TRIO: variants seen among roughly 807,000 people sequenced by gnomAD.
The protein encoded by TRIO is trio Rho guanine nucleotide exchange factor.
TRIO carries 58 observed loss-of-function variants against 351.9 expected under a neutral mutation model. That is an observed-to-expected ratio of 0.16 (90% CI 0.13 to 0.21). The LOEUF (loss-of-function observed/expected upper bound fraction) is 0.21. TRIO is among the 10% of genes least tolerant of loss of function. The pLI is 1.00. For missense variants in TRIO, 3,201 were observed against 4,027.8 expected (o/e 0.79, Z 5.56); for synonymous variants, 1,758 against 1,595.7 (o/e 1.10, Z -2.42).
intron 1 of TRIO, among the ~76,000 whole-genome samples, chr5:14,254,795 A>G (rs1401404435): frequency 2.0e-5 from 3 of 152,212 alleles, no homozygotes; most frequent in African/African-American, 7.2e-5. Context: ...GAGAAACAGC[A>G]GTCTTCTTAA....
At chr5:14,421,907 C>A (rs542256992) in intron 34 of TRIO, among the ~76,000 whole-genome samples, 2 of 152,286 alleles carry the variant, frequency 1.3e-5, no homozygotes, top group South Asian at 4.1e-4. Flanking sequence ...CCTCTGTCCC[C>A]TGGGAAGCAG....
chr5:14,407,255 A>T (rs1748809839), intron 33 of TRIO, among the ~76,000 whole-genome samples: 1 of 152,160 alleles, frequency 6.6e-6, no homozygotes, highest in Admixed American at 6.5e-5. Context: ...GAGCAAGCAG[A>T]CACGAGTTTC....
At chr5:14,199,373 T>G (rs978828863) in intron 1 of TRIO, among the ~76,000 whole-genome samples, 3 of 152,190 alleles carry the variant, frequency 2.0e-5, no homozygotes, top group African/African-American at 7.2e-5. Flanking sequence ...TGCTAAATAA[T>G]TTTTTGAATG....
At chr5:14,485,717 G>A (rs1755867366) in intron 47 of TRIO, among the ~76,000 whole-genome samples, 1 of 152,180 alleles carries the variant, frequency 6.6e-6, no homozygotes, top group South Asian at 2.1e-4. Flanking sequence ...CAAGCATGGT[G>A]GCTCAAGCCT....
At chr5:14,502,774 C>T in intron 54 of TRIO, 117 bp downstream of exon 54, 4 of 993,582 alleles carry the variant, frequency 4.0e-6, no homozygotes, top group Non-Finnish European at 6.1e-6. Context: ...AGCTGTGTGT[C>T]TTGCATTTGA....
Position 14,497,347 on chromosome 5 carries a change from T to G in TRIO, c.8019+330T>G, listed in dbSNP as rs1756970383. On this transcript the variant is annotated intron_variant, in intron 50 of 56. Transcript: ENST00000344204. This position sits in a 1 kb window ranked among gnomAD's most constrained non-coding sequence, Gnocchi z 4.4. Reference sequence around the variant, plus strand: ...GGTGCAGAGAAGCTATGGCTCAGGCTTCCTTCAGTGTTCCTGCCTTAAAGC... The same window carrying G: ...GGTGCAGAGAAGCTATGGCTCAGGCGTCCTTCAGTGTTCCTGCCTTAAAGC... 6.6e-6 allele frequency among the ~76,000 whole-genome samples: 1 copy of G among 152,222 alleles called. No individual in the cohort carries two copies. The highest frequency in any genetic ancestry group is 1.5e-5 in the Non-Finnish European group (1 of 68,042).
chr5:14,228,211 T>G (rs1466545721), intron 1 of TRIO, among the ~76,000 whole-genome samples: 1 of 152,250 alleles, frequency 6.6e-6, no homozygotes, highest in Admixed American at 6.5e-5. Flanking sequence ...TTTGTGTATT[T>G]TAATGCAGTG....
chr5:14,368,705 T>C lies in TRIO; in HGVS notation c.2875-3T>C. The C allele has an allele frequency of 1.9e-6, 3 of 1,611,156 alleles. No individual in the cohort carries two copies. The highest frequency in any genetic ancestry group is 2.5e-6 in the Non-Finnish European group (3 of 1,177,648). ...AGCCTTCCCTTTTGTTCTCTGTCTC[T>C]AGAAAACACATCAGAGCGCGCTGCA... On this transcript the variant is annotated splice_region_variant and splice_polypyrimidine_tract_variant and intron_variant, in intron 16 of 56. Coordinates refer to ENST00000344204, the MANE Select transcript of TRIO (RefSeq NM_007118.4).
chr5:14,350,542 C>T (rs1306669912), intron 11 of TRIO, among the ~76,000 whole-genome samples: 4 of 152,164 alleles, frequency 2.6e-5, no homozygotes, highest in African/African-American at 4.8e-5. Context: ...TGGGTGTCAT[C>T]GCCACATCCC....
chr5:14,489,157 CTT>C, intron 48 of TRIO: 1 of 611,886 alleles, frequency 1.6e-6, no homozygotes, highest in Non-Finnish European at 2.9e-6. Context: ...CTGTGTCTCT[CTT>C]TATATTAAAA....
intron 1 of TRIO, among the ~76,000 whole-genome samples, chr5:14,149,006 C>T (rs1212512244): frequency 6.6e-6 from 1 of 152,212 alleles, no homozygotes; most frequent in Admixed American, 6.5e-5. Context: ...GGGAGACTTC[C>T]CAGTGACCCT....
chr5:14,482,517 T>A (rs1755603395), intron 45 of TRIO, 65 bp from the exon 46 acceptor site: 2 of 1,231,018 alleles, frequency 1.6e-6, no homozygotes, highest in African/African-American at 3.1e-5. Context: ...GAAAACAGCT[T>A]CAGATAACTT....
chr5:14,382,853 G>A lies in TRIO; in HGVS notation c.3570+1601G>A, dbSNP rs554141817. Among the ~76,000 whole-genome samples, 124 of 133,188 alleles carry A rather than the reference G, an allele frequency of 9.3e-4. 1 individual carries two copies. The highest frequency in any genetic ancestry group is 3.0e-3 in the African/African-American group (109 of 35,872). 87.4% of individuals were successfully genotyped at this position (133,188 alleles called of 152,430 possible). A position where few individuals can be genotyped will look rare whatever the true frequency, so the allele number is the denominator to read the frequency against. ...GATCTGTATTTAGGGGCGTGTGTGTGTCTGTGTGTGTGTGAGACATGGGAT... is the reference window on the plus strand; with the variant it reads ...GATCTGTATTTAGGGGCGTGTGTGTATCTGTGTGTGTGTGAGACATGGGAT... On this transcript the variant is annotated intron_variant, in intron 21 of 56. Coordinates refer to ENST00000344204, the MANE Select transcript of TRIO (RefSeq NM_007118.4).
chr5:14,372,647 A>G (rs1204080337), intron 18 of TRIO, among the ~76,000 whole-genome samples: 1 of 152,234 alleles, frequency 6.6e-6, no homozygotes, highest in African/African-American at 2.4e-5. Context: ...CATTTTCAGG[A>G]TAATGAATTG....
chr5:14,354,518 T>G (rs1212160066), intron 11 of TRIO, among the ~76,000 whole-genome samples: 1 of 152,164 alleles, frequency 6.6e-6, no homozygotes, highest in Admixed American at 6.5e-5. Context: ...GGTTCAATAT[T>G]TGGGTCAGAG....
At chr5:14,350,489 G>A (rs899224452) in intron 11 of TRIO, among the ~76,000 whole-genome samples, 1 of 152,184 alleles carries the variant, frequency 6.6e-6, no homozygotes, top group African/African-American at 2.4e-5. Flanking sequence ...TTCCGTCTGT[G>A]AGCTTTGGCC....
intron 20 of TRIO, among the ~76,000 whole-genome samples, chr5:14,380,650 C>T (rs1293090662): frequency 2.6e-5 from 4 of 152,074 alleles, no homozygotes; most frequent in Non-Finnish European, 4.4e-5. Context: ...TAGTTCATTA[C>T]GACAGTATGG....
At chr5:14,499,754 G>GT (rs1579841775) in intron 53 of TRIO, among the ~76,000 whole-genome samples, 1 of 151,724 alleles carries the variant, frequency 6.6e-6, no homozygotes, top group East Asian at 1.9e-4. Flanking sequence ...AAGGACTTTA[G>GT]AAAGGTATAC....
intron 34 of TRIO, among the ~76,000 whole-genome samples, chr5:14,424,375 A>G (rs771027255): frequency 6.6e-6 from 1 of 152,214 alleles, no homozygotes; most frequent in Non-Finnish European, 1.5e-5. Context: ...TCTAAAAGGC[A>G]TTCACAATTT....
Sources: allele counts gnomAD v4.1 joint callset (sites outside exome capture counted in the v4.1 genomes callset), GRCh38; gene constraint gnomAD v4.1.1; non-coding constraint Gnocchi (gnomAD v3.1); transcripts MANE v1.5; gene names NCBI Gene and HGNC (gene_info 2026-07-23, HGNC 2026-07-21).